Variants in MRTFB observed in about 807,000 individuals in gnomAD.
MRTFB encodes the protein myocardin related transcription factor B.
A neutral mutation model predicts 104.2 loss-of-function variants in MRTFB; 29 were observed. The observed-to-expected ratio is 0.28, with a 90% CI of 0.21 to 0.38. MRTFB has a LOEUF of 0.38. MRTFB is among the 10% of genes least tolerant of loss of function. The pLI is 1.00. For missense variants in MRTFB, 1,270 were observed against 1,341.6 expected, an observed-to-expected ratio of 0.95 and a Z score of 0.83; for synonymous variants, 535 against 519.5, an observed-to-expected ratio of 1.03 and a Z score of -0.41.
In MRTFB at chr16:14,261,467, A is replaced by T. The variant is rs1257823522; in HGVS notation, c.*23A>T. ...TAACGTCACAGATTTCTTTTCTGAG[A>T]GTTGATGAGGTTTAAGAACATGAAG... On this transcript the variant is annotated 3_prime_UTR_variant, in exon 17 of 17. Transcript: ENST00000571589. 6.4e-7 allele frequency: 1 copy of T among 1,563,960 alleles called. No homozygotes were observed. Among genetic ancestry groups the T allele is most frequent in the Non-Finnish European group, 8.7e-7 (1 of 1,152,560 alleles).
At chr16:14,033,140 T>C in the MRTFB span, among the ~76,000 whole-genome samples, 1 of 152,024 alleles carries the variant, frequency 6.6e-6, no homozygotes, top group East Asian at 1.9e-4. Context: ...TTAAAAAGCA[T>C]GTTGTATCCC....
At chr16:14,069,386 C>T (rs79930115), upstream of MRTFB, among the ~76,000 whole-genome samples, 873 of 152,348 alleles carry the variant, frequency 5.7e-3, 6 homozygotes, top group African/African-American at 0.02. Context: ...GCCACAACTG[C>T]GACTGAGCTA....
At chr16:14,196,428 G>A (rs1257635990) in intron 3 of MRTFB, among the ~76,000 whole-genome samples, 1 of 152,208 alleles carries the variant, frequency 6.6e-6, no homozygotes, top group Admixed American at 6.5e-5. Context: ...ACAGGCAAGG[G>A]ATGGTGGTTT....
chr16:14,156,651 G>GTTTT (rs1316223381), intron 3 of MRTFB, among the ~76,000 whole-genome samples: 1 of 152,152 alleles, frequency 6.6e-6, no homozygotes, highest in East Asian at 1.9e-4. Flanking sequence ...CCTCAAGGAG[G>GTTTT]AAAGGTTTCA....
At chr16:14,216,884 G>T (rs928180658) in intron 6 of MRTFB, among the ~76,000 whole-genome samples, 1 of 152,146 alleles carries the variant, frequency 6.6e-6, no homozygotes, top group African/African-American at 2.4e-5. Context: ...TTTGGTTTAA[G>T]GTCCTGTTAA....
the MRTFB span, among the ~76,000 whole-genome samples, chr16:14,035,888 T>C: frequency 6.6e-6 from 1 of 151,388 alleles, no homozygotes; most frequent in Non-Finnish European, 1.5e-5. Flanking sequence ...TCCCACCCTT[T>C]CCCTCTGAGT....
the MRTFB span, among the ~76,000 whole-genome samples, chr16:14,025,938 C>T: frequency 2.0e-5 from 3 of 152,092 alleles, no homozygotes; most frequent in African/African-American, 7.2e-5. Flanking sequence ...AGAAAGTATA[C>T]ACTGAAAATT....
At chr16:14,051,524 T>A in the MRTFB span, among the ~76,000 whole-genome samples, 1 of 151,050 alleles carries the variant, frequency 6.6e-6, no homozygotes, top group African/African-American at 2.4e-5. Flanking sequence ...CATACAAATA[T>A]ACACCCATGG....
the MRTFB span, among the ~76,000 whole-genome samples, chr16:14,061,566 CTTTTTTTTTTTT>C: frequency 3.7e-4 from 38 of 102,632 alleles, no homozygotes; most frequent in African/African-American, 1.4e-3. Flanking sequence ...TCAAGGTCAT[CTTTTTTTTTTTT>C]TTTTTTTTTG....
At chr16:14,166,487 G>A (rs2039246890) in intron 3 of MRTFB, among the ~76,000 whole-genome samples, 1 of 152,112 alleles carries the variant, frequency 6.6e-6, no homozygotes, top group Non-Finnish European at 1.5e-5. Context: ...TACAAAAGTG[G>A]TTTACATTTT....
At chr16:14,240,721 T>C in intron 10 of MRTFB, 1 of 798,246 alleles carries the variant, frequency 1.3e-6, no homozygotes, top group Non-Finnish European at 2.2e-6. Flanking sequence ...TAGAAATGCC[T>C]TTTCACAATT....
chr16:14,247,069 G>C lies in MRTFB; in HGVS notation c.1809G>C (p.Glu603Asp). Residue 603 changes from glutamate (E) to aspartate (D), a missense_variant, in exon 12 of 17, where the codon GAG becomes GAC. Physicochemically the swap from Glu to Asp is conservative, Grantham distance 45 (BLOSUM62 2). Coordinates refer to ENST00000571589, the MANE Select transcript of MRTFB (RefSeq NM_001308142.2). ...KLVEVLKMQL[E>D]VEKRGQQQRP... is the part of the protein sequence containing the mutation. ...TGGAAGTGCTGAAAATGCAACTTGA[G>C]GTTGAAAAACGAGGGCAGCAGCAGC... 1.9e-6 allele frequency: 3 copies of C among 1,614,196 alleles called. No homozygotes were observed. The highest frequency in any genetic ancestry group is 2.5e-6 in the Non-Finnish European group (3 of 1,180,036).
chr16:14,084,127 A>T (rs1262910152), intron 2 of MRTFB, among the ~76,000 whole-genome samples: 1 of 152,078 alleles, frequency 6.6e-6, no homozygotes, highest in African/African-American at 2.4e-5. Flanking sequence ...GCCTTCGTTA[A>T]CTCATTATAA....
intron 15 of MRTFB, among the ~76,000 whole-genome samples, chr16:14,256,713 G>A (rs2043510730): frequency 1.3e-5 from 2 of 152,168 alleles, no homozygotes; most frequent in South Asian, 4.1e-4. Flanking sequence ...AAGACCCGAA[G>A]CCAGAACCAC....
At chr16:14,129,824 G>A (rs2142408834) in intron 2 of MRTFB, among the ~76,000 whole-genome samples, 1 of 152,044 alleles carries the variant, frequency 6.6e-6, no homozygotes, top group South Asian at 2.1e-4. Context: ...CTTCTTTAGT[G>A]AAATGGTTTT....
At chr16:14,062,070 C>T in the MRTFB span, among the ~76,000 whole-genome samples, 1 of 148,078 alleles carries the variant, frequency 6.8e-6, no homozygotes, top group Non-Finnish European at 1.5e-5. Flanking sequence ...CATCAAGGAC[C>T]CAGATTTTGT....
chr16:14,237,889 G>T (rs1461807008), intron 9 of MRTFB, among the ~76,000 whole-genome samples: 1 of 152,214 alleles, frequency 6.6e-6, no homozygotes, highest in African/African-American at 2.4e-5. Flanking sequence ...TATTCTGTAA[G>T]AGTAGGAAAA....
At chr16:14,252,183 G>A (rs2043283304) in intron 14 of MRTFB, among the ~76,000 whole-genome samples, 160 bp downstream of exon 14, 1 of 152,150 alleles carries the variant, frequency 6.6e-6, no homozygotes, top group Non-Finnish European at 1.5e-5. Context: ...TTATCACAGT[G>A]AAGATGATCG....
At chr16:14,187,052 A>G in intron 3 of MRTFB, 1 of 1,585,840 alleles carries the variant, frequency 6.3e-7, no homozygotes, top group Non-Finnish European at 8.5e-7. Context: ...CTGTCTGTGG[A>G]CAGGGGCAAA....
Sources: allele counts gnomAD v4.1 joint callset (sites outside exome capture counted in the v4.1 genomes callset), GRCh38; gene constraint gnomAD v4.1.1; transcripts MANE v1.5; gene names NCBI Gene and HGNC (gene_info 2026-07-23, HGNC 2026-07-21).